Variants in ATE1 observed in about 807,000 individuals in gnomAD.
The protein encoded by ATE1 is arginyl-tRNA--protein transferase 1.
A neutral mutation model predicts 70.5 loss-of-function variants in ATE1; 36 were observed. The observed-to-expected ratio is 0.51, with a 90% confidence interval of 0.39 to 0.67. The LOEUF (loss-of-function observed/expected upper bound fraction) is 0.67, where lower values mean the gene tolerates loss of function less well. Among genes scored for constraint, ATE1 ranks in the 30% least tolerant of loss-of-function variants. The probability of loss-of-function intolerance (pLI) is 0.00; values close to 1 mark genes in which losing one functional copy is unlikely to be tolerated. For missense variants in ATE1, 593 were observed against 629.5 expected (o/e 0.94, Z 0.62); for synonymous variants, 232 against 219.3 (o/e 1.06, Z -0.51).
rs568748254 is a variant in ATE1, at chr10:121,836,054, C to G, written c.1257+664G>C. Among the ~76,000 whole-genome samples the G allele has an allele frequency of 4.6e-5, 7 of 152,260 alleles. No individual in the cohort carries two copies. In the South Asian group the frequency reaches 1.5e-3, roughly 32 times the overall value. Reference sequence around the variant, plus strand: ...TGCACAGTCCTTCAGTTACCCTTTCCTCTACAAATACATCATCAGCACTTG... The same window carrying G: ...TGCACAGTCCTTCAGTTACCCTTTCGTCTACAAATACATCATCAGCACTTG... On this transcript the variant is annotated intron_variant, in intron 10 of 11. Transcript: ENST00000224652.
chr10:121,753,256 T>C (rs1349106584), intron 11 of ATE1, among the ~76,000 whole-genome samples: 2 of 152,248 alleles, frequency 1.3e-5, no homozygotes, highest in African/African-American at 4.8e-5. Context: ...CATCTGAGAA[T>C]AGAGACAGTG....
chr10:121,865,784 T>C (rs1260510524), intron 8 of ATE1, among the ~76,000 whole-genome samples: 1 of 152,218 alleles, frequency 6.6e-6, no homozygotes, highest in Non-Finnish European at 1.5e-5. Context: ...CAGAGGGAAG[T>C]AACTGACTCT....
At chr10:121,748,513 C>T (rs1488796061) in intron 11 of ATE1, among the ~76,000 whole-genome samples, 1 of 152,182 alleles carries the variant, frequency 6.6e-6, no homozygotes, top group Non-Finnish European at 1.5e-5. Context: ...GTTTCAACCA[C>T]TGAATTCCAA....
intron 10 of ATE1, among the ~76,000 whole-genome samples, chr10:121,829,277 G>T (rs750474528): frequency 3.3e-5 from 5 of 152,206 alleles, no homozygotes; most frequent in Non-Finnish European, 7.4e-5. Context: ...ACAAAAATTA[G>T]CTGGGCATGG....
intron 8 of ATE1, among the ~76,000 whole-genome samples, chr10:121,855,059 C>T (rs867547080): frequency 2.0e-5 from 3 of 152,138 alleles, no homozygotes; most frequent in Admixed American, 1.3e-4. Context: ...CAGCTTCACA[C>T]GTAAGGGAAG....
chr10:121,819,860 A>ATAAACC (rs1947722258), intron 10 of ATE1, among the ~76,000 whole-genome samples: 1 of 151,384 alleles, frequency 6.6e-6, no homozygotes, highest in Non-Finnish European at 1.5e-5. Flanking sequence ...AAAAAAGTAA[A>ATAAACC]ACAGGCCGGG....
intron 11 of ATE1, among the ~76,000 whole-genome samples, chr10:121,787,323 T>C (rs1946255054): frequency 6.6e-6 from 1 of 152,238 alleles, no homozygotes; most frequent in Non-Finnish European, 1.5e-5. Flanking sequence ...GTTTGGGTCA[T>C]GTAAAAGTAA....
intron 7 of ATE1, among the ~76,000 whole-genome samples, chr10:121,890,877 A>G (rs892417056): frequency 1.3e-5 from 2 of 152,170 alleles, no homozygotes; most frequent in East Asian, 1.9e-4. Flanking sequence ...TGAAAATCTG[A>G]TATCTACCTG....
chr10:121,850,036 A>C (rs1471613342), intron 8 of ATE1, among the ~76,000 whole-genome samples: 3 of 152,218 alleles, frequency 2.0e-5, no homozygotes, highest in African/African-American at 4.8e-5. Flanking sequence ...CTGAAGAATC[A>C]ATACAAAGAT....
chr10:121,799,576 C>T (rs901279975), intron 10 of ATE1, among the ~76,000 whole-genome samples: 8 of 152,200 alleles, frequency 5.3e-5, no homozygotes, highest in African/African-American at 1.9e-4. Context: ...ACTGTTTCAT[C>T]TTTGCAGCTA....
intron 11 of ATE1, among the ~76,000 whole-genome samples, chr10:121,761,917 T>C (rs903150497): frequency 1.3e-5 from 2 of 152,272 alleles, no homozygotes; most frequent in Admixed American, 1.3e-4. Context: ...CCCCTACTCA[T>C]CCTCCAGTTA....
chr10:121,754,307 T>C (rs556768365), intron 11 of ATE1, among the ~76,000 whole-genome samples: 8 of 152,292 alleles, frequency 5.3e-5, no homozygotes, highest in Non-Finnish European at 1.2e-4. Context: ...GAGACGTGAC[T>C]AATTATAGAA....
chr10:121,879,659 G>A (rs1319027006), intron 7 of ATE1, among the ~76,000 whole-genome samples: 1 of 152,086 alleles, frequency 6.6e-6, no homozygotes, highest in Non-Finnish European at 1.5e-5. Flanking sequence ...ATTCATAATC[G>A]TTTCTTTCTC....
At chr10:121,913,479 G>A (rs977201835) in intron 4 of ATE1, among the ~76,000 whole-genome samples, 9 of 152,204 alleles carry the variant, frequency 5.9e-5, no homozygotes, top group South Asian at 2.1e-4. Context: ...ACTTCATAAG[G>A]ATAGTATTAG....
At chr10:121,826,804 G>A (rs1008457428) in intron 10 of ATE1, among the ~76,000 whole-genome samples, 1 of 152,116 alleles carries the variant, frequency 6.6e-6, no homozygotes, top group South Asian at 2.1e-4. Flanking sequence ...AATGTCTACT[G>A]TTCCTCTCTT....
chr10:121,811,368 G>C (rs1472440673), intron 10 of ATE1, among the ~76,000 whole-genome samples: 1 of 152,138 alleles, frequency 6.6e-6, no homozygotes, highest in African/African-American at 2.4e-5. Flanking sequence ...TGACAAAAGA[G>C]TACACTGTAC....
At chr10:121,855,942 G>T (rs1949231318) in intron 8 of ATE1, among the ~76,000 whole-genome samples, 1 of 151,866 alleles carries the variant, frequency 6.6e-6, no homozygotes, top group Admixed American at 6.6e-5. Flanking sequence ...CAGGTGTGGT[G>T]GTGGGCACCT....
chr10:121,892,014 T>C (rs1010438015), intron 7 of ATE1, among the ~76,000 whole-genome samples: 3 of 152,122 alleles, frequency 2.0e-5, no homozygotes, highest in African/African-American at 4.8e-5. Context: ...ACACTGGCCA[T>C]TTCCTGACGT....
chr10:121,762,291 C>T (rs1372678913), intron 11 of ATE1, among the ~76,000 whole-genome samples: 2 of 152,150 alleles, frequency 1.3e-5, no homozygotes, highest in Non-Finnish European at 2.9e-5. Flanking sequence ...TTTCTAGGTC[C>T]TCCTCTCATT....
Sources: allele counts gnomAD v4.1 joint callset (sites outside exome capture counted in the v4.1 genomes callset), GRCh38; gene constraint gnomAD v4.1.1; transcripts MANE v1.5; gene names NCBI Gene and HGNC (gene_info 2026-07-23, HGNC 2026-07-21).